DNAJC6: variants seen among roughly 807,000 people sequenced by gnomAD.
DNAJC6 encodes DnaJ heat shock protein family (Hsp40) member C6.
In DNAJC6, 34 loss-of-function variants were observed where a neutral mutation model predicts 110.0. The ratio of observed to expected loss-of-function variants is 0.31; its 90% CI spans 0.24 to 0.41. The LOEUF (loss-of-function observed/expected upper bound fraction) is 0.41. Ranked by LOEUF, DNAJC6 falls within the 10% of genes least tolerant of loss-of-function variation. The pLI is 1.00. For missense variants in DNAJC6, 1,031 were observed against 1,207.8 expected, an observed-to-expected ratio of 0.85 and a Z score of 2.17; for synonymous variants, 406 against 437.2, an observed-to-expected ratio of 0.93 and a Z score of 0.89.
chr1:65,308,239 A>G (rs1301749238), upstream of DNAJC6, among the ~76,000 whole-genome samples: 1 of 152,224 alleles, frequency 6.6e-6, no homozygotes, highest in Non-Finnish European at 1.5e-5. Context: ...ATGAGAAGAA[A>G]GCAAAGCTGG....
At chr1:65,374,606 T>G (rs1645741666) in intron 4 of DNAJC6, among the ~76,000 whole-genome samples, 1 of 152,226 alleles carries the variant, frequency 6.6e-6, no homozygotes, top group African/African-American at 2.4e-5. Flanking sequence ...ATATGAATGC[T>G]GTTGATTTAT....
rs751850215 is a variant in DNAJC6 at position 65,408,643 on chromosome 1, G to T, written c.2494G>T (p.Gly832Trp). The change falls in exon 17 of 19, where the codon GGG becomes TGG. Residue 832 changes from glycine to tryptophan, a missense_variant and splice_region_variant. Gly to Trp is a radical substitution (Grantham distance 184). Coordinates refer to ENST00000371069, the MANE Select transcript of DNAJC6 (RefSeq NM_001256864.2). ...GATTTTCAAAAATTATATTGCAGAA[G>T]GGAAACAAAAAGCAGCTGATTTTGA... ...ERGKGSSNLE[G>W]KQKAADFEDL... The T allele has an allele frequency of 6.2e-7, 1 of 1,608,326 alleles. No homozygotes were observed. Among genetic ancestry groups the T allele is most frequent in the Non-Finnish European group, 8.5e-7 (1 of 1,178,564 alleles).
At chr1:65,391,657 C>T (rs1480141613) in intron 11 of DNAJC6, among the ~76,000 whole-genome samples, 1 of 150,714 alleles carries the variant, frequency 6.6e-6, no homozygotes, top group East Asian at 2.0e-4. Flanking sequence ...GTACTACCCT[C>T]CCCGGCCAAA....
intron 14 of DNAJC6, among the ~76,000 whole-genome samples, chr1:65,399,557 A>G (rs1033138832): frequency 2.6e-5 from 4 of 152,184 alleles, no homozygotes; most frequent in Middle Eastern, 3.4e-3. Flanking sequence ...ACAACGTAAC[A>G]TTTACCCTGC....
chr1:65,379,580 G>T (rs769534756), intron 5 of DNAJC6, 56 bp downstream of exon 5: 7 of 1,599,166 alleles, frequency 4.4e-6, no homozygotes, highest in Non-Finnish European at 6.0e-6. Context: ...ATATGGATGA[G>T]CCTGTACACA....
intron 11 of DNAJC6, 101 bp from the exon 12 acceptor site, chr1:65,392,330 G>C (rs1175942853): frequency 2.3e-5 from 27 of 1,173,456 alleles, no homozygotes; most frequent in Non-Finnish European, 3.1e-5. Flanking sequence ...GCTCAGGGCT[G>C]AATCCTTCTG....
intron 1 of DNAJC6, among the ~76,000 whole-genome samples, chr1:65,356,577 TAAATAAATA>T (rs1386754724): frequency 7.3e-5 from 5 of 68,052 alleles, no homozygotes; most frequent in East Asian, 6.3e-4. Context: ...AATAAATAAA[TAAATAAATA>T]AAATAAAATA....
Position 65,312,803 on chromosome 1 carries a change from C to A in DNAJC6, c.193+2865C>A, listed in dbSNP as rs1010125419. 2.0e-5 allele frequency among the ~76,000 whole-genome samples: 3 copies of A among 152,132 alleles called. No homozygotes were observed. In the East Asian group the frequency reaches 5.8e-4, roughly 29 times the overall value. ...TGTTACTCGCTGAAAAACCTAGTAA[C>A]CTTTTTCTTTTCTTTTCTAGACAGA... On this transcript the variant is annotated intron_variant, in intron 1 of 18. Transcript: ENST00000371069.
chr1:65,363,149 G>T lies in DNAJC6; in HGVS notation c.194-1486G>T, dbSNP rs550983084. ...CTCACTGTCATGAGAACAGCATGGG[G>T]AAAATCCACCTCCATGATCCAATCA... On this transcript the variant is annotated intron_variant, in intron 1 of 18. Transcript: ENST00000371069. 5.9e-5 allele frequency among the ~76,000 whole-genome samples: 9 copies of T among 152,240 alleles called. No homozygotes were observed. In the East Asian group the frequency reaches 1.7e-3, roughly 29 times the overall value.
intron 5 of DNAJC6, among the ~76,000 whole-genome samples, chr1:65,383,148 C>G (rs2101595918): frequency 6.6e-6 from 1 of 152,270 alleles, no homozygotes; most frequent in Non-Finnish European, 1.5e-5. Context: ...ATCTCCCTGT[C>G]ACTTAAAGTG....
intron 5 of DNAJC6, among the ~76,000 whole-genome samples, chr1:65,382,679 T>C (rs1347361747): frequency 6.6e-6 from 1 of 152,230 alleles, no homozygotes; most frequent in Non-Finnish European, 1.5e-5. Context: ...GCTTATGTTG[T>C]TACTTAGCCT....
Position 65,394,919 on chromosome 1 carries a change from G to A in DNAJC6, c.1925G>A (p.Gly642Glu). 1 of 1,603,434 alleles carries A rather than the reference G, an allele frequency of 6.2e-7. No homozygotes were observed. The highest frequency in any genetic ancestry group is 8.5e-7 in the Non-Finnish European group (1 of 1,176,564). The change falls in exon 13 of 19, where the codon GGA becomes GAA. Residue 642 changes from glycine to glutamate, a missense_variant. By Grantham distance (98) the Gly-to-Glu change is moderately conservative. Coordinates refer to ENST00000371069, the MANE Select transcript of DNAJC6 (RefSeq NM_001256864.2). Reference sequence around the variant, plus strand: ...CTAGGTGCCACCTTTGACCCATTTGGAGCACCTTCTAAACCATCAGGTCAG... The same window carrying A: ...CTAGGTGCCACCTTTGACCCATTTGAAGCACCTTCTAAACCATCAGGTCAG... ...VGEGATFDPF[G>E]APSKPSGQDL...
intron 1 of DNAJC6, among the ~76,000 whole-genome samples, chr1:65,350,529 G>T (rs1244732014): frequency 1.3e-5 from 2 of 151,904 alleles, no homozygotes; most frequent in African/African-American, 2.4e-5. Flanking sequence ...TAGTTTTATT[G>T]TATGATAAAC....
chr1:65,369,880 G>A (rs12027261), intron 4 of DNAJC6, among the ~76,000 whole-genome samples: 5,772 of 152,166 alleles, frequency 0.038, 319 homozygotes, highest in East Asian at 0.24. Flanking sequence ...TTTCTATTAT[G>A]TATTTGCATA....
At chr1:65,403,994 AC>A (rs1646052976) in intron 15 of DNAJC6, among the ~76,000 whole-genome samples, 1 of 152,168 alleles carries the variant, frequency 6.6e-6, no homozygotes, top group Admixed American at 6.5e-5. Context: ...TTCTGTATTT[AC>A]CAAATTTTAA....
chr1:65,380,029 T>A (rs143034284), intron 5 of DNAJC6, among the ~76,000 whole-genome samples: 1 of 152,366 alleles, frequency 6.6e-6, no homozygotes, highest in East Asian at 1.9e-4. Flanking sequence ...CCCTAACTCT[T>A]CTCAGAACTC....
chr1:65,315,283 A>G (rs1465920006), intron 1 of DNAJC6, among the ~76,000 whole-genome samples: 1 of 133,324 alleles, frequency 7.5e-6, no homozygotes, highest in African/African-American at 3.6e-5. Flanking sequence ...TTTGAGAATA[A>G]TGTTTTTTTT....
intron 11 of DNAJC6, among the ~76,000 whole-genome samples, chr1:65,389,969 C>T (rs571058703): frequency 6.6e-5 from 10 of 151,862 alleles, no homozygotes; most frequent in Admixed American, 2.0e-4. Flanking sequence ...GCTATGATTG[C>T]GCCACTGCAC....
At position 65,413,374 on chromosome 1, in the gene DNAJC6, A is replaced by C. The variant is rs766777935; in HGVS notation, c.*349A>C. On this transcript the variant is annotated 3_prime_UTR_variant, in exon 19 of 19. Transcript: ENST00000371069. ...CATAACACCCATCACATTGTCTGAG[A>C]ATAGGATTAATGAGCAAAAGTTATG... The C allele has an allele frequency of 1.2e-4, 22 of 186,004 alleles. No homozygotes were observed. The highest frequency in any genetic ancestry group is 2.3e-4 in the Non-Finnish European group (21 of 89,678). 11.5% of individuals were successfully genotyped at this position (186,004 alleles called of 1,614,324 possible). A position where few individuals can be genotyped will look rare whatever the true frequency, so the allele number is the denominator to read the frequency against.
Sources: gnomAD v4.1 joint callset for allele counts (sites outside exome capture counted in the v4.1 genomes callset) on GRCh38, gnomAD v4.1.1 for gene constraint, MANE v1.5 for transcripts, NCBI Gene and HGNC (gene_info 2026-07-23, HGNC 2026-07-21) for gene names.